PRKN: variants seen among roughly 807,000 people sequenced by gnomAD.
PRKN encodes the protein parkin RBR E3 ubiquitin protein ligase.
A neutral mutation model predicts 59.5 loss-of-function variants in PRKN; 56 were observed. That is an observed-to-expected ratio of 0.94 (90% confidence interval 0.76 to 1.18). The LOEUF (loss-of-function observed/expected upper bound fraction) is 1.18. Among genes scored for constraint, PRKN ranks in the 50% most tolerant of loss-of-function variants. The pLI, the probability that PRKN is intolerant of heterozygous loss-of-function variation, is 0.00. For synonymous variants in PRKN, 250 were observed against 222.1 expected (o/e 1.13, Z -1.12); for missense variants, 657 against 596.4 (o/e 1.10, Z -1.06).
chr6:162,206,113 A>C (rs932984776), intron 3 of PRKN, among the ~76,000 whole-genome samples: 1 of 152,100 alleles, frequency 6.6e-6, no homozygotes, highest in Non-Finnish European at 1.5e-5. Context: ...AGAAGCAGAG[A>C]AAAGGTTCTC....
chr6:161,810,886 T>C (rs1344143016), intron 6 of PRKN, among the ~76,000 whole-genome samples: 2 of 152,096 alleles, frequency 1.3e-5, no homozygotes, highest in African/African-American at 2.4e-5. Flanking sequence ...CCTGGGGAAC[T>C]TGAGGAAGGC....
chr6:161,770,368 T>G (rs551637245), intron 7 of PRKN, among the ~76,000 whole-genome samples: 1 of 152,150 alleles, frequency 6.6e-6, no homozygotes, highest in East Asian at 1.9e-4. Flanking sequence ...CTGATTGTTA[T>G]AGGATAAAAT....
At chr6:161,750,671 G>A (rs1177237196) in intron 7 of PRKN, among the ~76,000 whole-genome samples, 1 of 151,602 alleles carries the variant, frequency 6.6e-6, no homozygotes, top group Admixed American at 6.6e-5. Flanking sequence ...GGAGGCTGAG[G>A]CAGGAGAATT....
At chr6:162,439,809 G>GT (rs59735210) in intron 2 of PRKN, among the ~76,000 whole-genome samples, 46,207 of 151,828 alleles carry the variant, frequency 0.3, 7,776 homozygotes, top group African/African-American at 0.46. Flanking sequence ...GTTTTCTCTA[G>GT]TTTTTTTATT....
intron 7 of PRKN, among the ~76,000 whole-genome samples, chr6:161,732,161 G>T (rs1476166329): frequency 1.3e-5 from 2 of 150,778 alleles, no homozygotes; most frequent in African/African-American, 4.9e-5. Flanking sequence ...ATCTCAGCAC[G>T]CTGGAACCTC....
chr6:162,321,017 A>G (rs1009259190), intron 2 of PRKN, among the ~76,000 whole-genome samples: 1 of 151,862 alleles, frequency 6.6e-6, no homozygotes, highest in Admixed American at 6.6e-5. Flanking sequence ...AAAGAAAACA[A>G]TAACGATCAA....
chr6:161,909,411 T>C (rs977521224), intron 6 of PRKN, among the ~76,000 whole-genome samples: 5 of 152,224 alleles, frequency 3.3e-5, no homozygotes, highest in African/African-American at 4.8e-5. Flanking sequence ...AGAAATGTTT[T>C]GTGTAACAAT....
intron 6 of PRKN, among the ~76,000 whole-genome samples, chr6:161,911,643 A>C (rs2128237123): frequency 6.6e-6 from 1 of 152,330 alleles, no homozygotes; most frequent in South Asian, 2.1e-4. Context: ...GGAAAATGGA[A>C]GGAGAAAAGC....
At chr6:161,805,478 A>ACACACACACGCATG (rs61442187) in intron 6 of PRKN, among the ~76,000 whole-genome samples, 1 of 149,364 alleles carries the variant, frequency 6.7e-6, no homozygotes, top group Non-Finnish European at 1.5e-5. Flanking sequence ...ACACACACAC[A>ACACACACACGCATG]CATGCATGTA....
At chr6:161,658,273 G>A (rs1784427634) in intron 7 of PRKN, among the ~76,000 whole-genome samples, 2 of 151,656 alleles carry the variant, frequency 1.3e-5, no homozygotes, top group Admixed American at 1.3e-4. Flanking sequence ...CATTATTCAT[G>A]AGCCATGCTC....
chr6:161,832,313 T>C (rs1792532942), intron 6 of PRKN, among the ~76,000 whole-genome samples: 1 of 152,084 alleles, frequency 6.6e-6, no homozygotes, highest in South Asian at 2.1e-4. Flanking sequence ...AATAATAGCG[T>C]TGTTTTTCAG....
chr6:161,753,509 A>G (rs970782514), intron 7 of PRKN, among the ~76,000 whole-genome samples: 2 of 152,214 alleles, frequency 1.3e-5, no homozygotes, highest in Non-Finnish European at 2.9e-5. Flanking sequence ...AAGAAGGATA[A>G]AAAATTCTGC....
intron 4 of PRKN, among the ~76,000 whole-genome samples, chr6:162,068,378 A>G (rs184420782): frequency 2.4e-4 from 37 of 152,338 alleles, no homozygotes; most frequent in African/African-American, 8.7e-4. Context: ...GCTTAAAACA[A>G]CATGCTTTTA....
rs1491119353 is a variant in PRKN at position 162,284,216 on chromosome 6, T to TTG, written c.172-21452_172-21451insCA. ...ATTTATGTATTGTGTTATTTCTTTC[T>TTG]TTTTTTTTTTTTTTTTTTTTTTTTT... On this transcript the variant is annotated intron_variant, in intron 2 of 11. Transcript: ENST00000366898. Among the ~76,000 whole-genome samples, 99 of 48,720 alleles carry TTG rather than the reference T, an allele frequency of 2.0e-3. 3 individuals carry two copies. In the East Asian group the frequency reaches 0.047, roughly 23 times the overall value. The allele number at this position is 48,720 out of a possible 152,430, so 32.0% of individuals were successfully genotyped here.
At chr6:162,667,643 G>C (rs1201606934) in intron 1 of PRKN, among the ~76,000 whole-genome samples, 1 of 151,982 alleles carries the variant, frequency 6.6e-6, no homozygotes, top group African/African-American at 2.4e-5. Context: ...CGCAAACATA[G>C]ATCTTTTGAG....
chr6:161,727,970 A>G (rs1279784191), intron 7 of PRKN, among the ~76,000 whole-genome samples: 1 of 152,184 alleles, frequency 6.6e-6, no homozygotes, highest in African/African-American at 2.4e-5. Context: ...GATTTTAAAA[A>G]TTAATAAATT....
At chr6:161,350,943 AT>A (rs1382829831) in intron 11 of PRKN, among the ~76,000 whole-genome samples, 2 of 78,800 alleles carry the variant, frequency 2.5e-5, no homozygotes, top group Non-Finnish European at 4.1e-5. Flanking sequence ...ATATAAATAT[AT>A]TTTATATATT....
At chr6:162,658,394 G>A (rs969810460) in intron 1 of PRKN, among the ~76,000 whole-genome samples, 5 of 152,276 alleles carry the variant, frequency 3.3e-5, no homozygotes, top group African/African-American at 1.2e-4. Context: ...GTGTTAGCCG[G>A]GCATGGCGGC....
chr6:162,030,949 A>T (rs1463640263), intron 5 of PRKN, among the ~76,000 whole-genome samples: 1 of 152,234 alleles, frequency 6.6e-6, no homozygotes, highest in Non-Finnish European at 1.5e-5. Flanking sequence ...GAGCCACGAA[A>T]GGAGTAAATG....
Sources: allele counts gnomAD v4.1 joint callset (sites outside exome capture counted in the v4.1 genomes callset), GRCh38; gene constraint gnomAD v4.1.1; transcripts MANE v1.5; gene names NCBI Gene and HGNC (gene_info 2026-07-23, HGNC 2026-07-21).